UVRAG: variants seen among roughly 807,000 people sequenced by gnomAD.
The protein encoded by UVRAG is UV radiation resistance-associated gene protein.
UVRAG carries 19 observed loss-of-function variants against 78.0 expected under a neutral mutation model. The observed-to-expected ratio is 0.24, with a 90% CI of 0.17 to 0.36. The LOEUF is 0.36. UVRAG is among the 10% of genes least tolerant of loss of function. The pLI, the probability that UVRAG is intolerant of heterozygous loss-of-function variation, is 1.00. For synonymous variants in UVRAG, 323 were observed against 324.6 expected, an observed-to-expected ratio of 1.00 and a Z score of 0.05; for missense variants, 740 against 853.8, an observed-to-expected ratio of 0.87 and a Z score of 1.66.
At chr11:75,907,526 C>G (rs1414040252) in intron 5 of UVRAG, among the ~76,000 whole-genome samples, 2 of 151,140 alleles carry the variant, frequency 1.3e-5, no homozygotes, top group Non-Finnish European at 2.9e-5. Context: ...TCTATAATTT[C>G]TCTTTTTGAC....
At chr11:76,001,052 C>A (rs1949804416) in intron 8 of UVRAG, among the ~76,000 whole-genome samples, 1 of 152,162 alleles carries the variant, frequency 6.6e-6, no homozygotes, top group South Asian at 2.1e-4. Context: ...ATCTGCATTT[C>A]TTTCAAGTAT....
chr11:75,951,748 C>G (rs933455203), intron 6 of UVRAG, among the ~76,000 whole-genome samples: 3 of 152,128 alleles, frequency 2.0e-5, no homozygotes, highest in African/African-American at 7.2e-5. Flanking sequence ...CTTACTGTAG[C>G]TTTATGATAG....
At chr11:76,011,271 C>T (rs1950045380) in intron 11 of UVRAG, among the ~76,000 whole-genome samples, 1 of 152,108 alleles carries the variant, frequency 6.6e-6, no homozygotes, top group Non-Finnish European at 1.5e-5. Context: ...ATTCCCATTC[C>T]CCATTACCCT....
chr11:76,020,741 G>A (rs1481538415), intron 12 of UVRAG, among the ~76,000 whole-genome samples: 2 of 144,704 alleles, frequency 1.4e-5, no homozygotes, highest in East Asian at 2.1e-4. Context: ...ACCCCGGCTA[G>A]TGTCCCATGT....
chr11:75,950,798 T>C (rs112706897), intron 6 of UVRAG, among the ~76,000 whole-genome samples: 22 of 152,308 alleles, frequency 1.4e-4, no homozygotes, highest in African/African-American at 4.6e-4. Context: ...TTATAATGAC[T>C]AAAGTTATGA....
intron 1 of UVRAG, among the ~76,000 whole-genome samples, chr11:75,828,162 A>G (rs1017149789): frequency 1.3e-5 from 2 of 152,216 alleles, no homozygotes; most frequent in East Asian, 1.9e-4. Context: ...TTATATATGT[A>G]TAGTAGATAT....
chr11:75,953,548 T>G (rs998890754), intron 6 of UVRAG, among the ~76,000 whole-genome samples: 1 of 152,216 alleles, frequency 6.6e-6, no homozygotes, highest in East Asian at 1.9e-4. Context: ...AATTTGTCAT[T>G]CTTTGTCTTA....
At chr11:76,070,468 A>G (rs995748179) in intron 13 of UVRAG, among the ~76,000 whole-genome samples, 1 of 151,986 alleles carries the variant, frequency 6.6e-6, no homozygotes, top group Non-Finnish European at 1.5e-5. Flanking sequence ...TATCACACAC[A>G]CCCATGAATA....
In UVRAG at chr11:76,027,496, A is replaced by G. The variant is rs370197381; in HGVS notation, c.1226+10516A>G. Among the ~76,000 whole-genome samples the G allele has an allele frequency of 2.0e-4, 30 of 151,524 alleles. 3 individuals carry two copies. Among genetic ancestry groups the G allele is most frequent in the East Asian group, 1.2e-3 (6 of 5,144 alleles). ...GACAAAATTTTTGTTTTTTATTTCC[A>G]ATTATTTTGGACTTTGGGGTCATGT... is the stretch of plus-strand genomic sequence containing the variant. On this transcript the variant is annotated intron_variant, in intron 12 of 14. Coordinates refer to ENST00000356136, the MANE Select transcript of UVRAG (RefSeq NM_003369.4).
chr11:76,083,700 T>A (rs1358143880), intron 13 of UVRAG, among the ~76,000 whole-genome samples: 1 of 152,240 alleles, frequency 6.6e-6, no homozygotes, highest in Non-Finnish European at 1.5e-5. Context: ...CAAAAAATTT[T>A]TTTTTAGATT....
At chr11:75,923,108 C>T (rs1490218589) in intron 6 of UVRAG, among the ~76,000 whole-genome samples, 1 of 150,098 alleles carries the variant, frequency 6.7e-6, no homozygotes, top group Non-Finnish European at 1.5e-5. Flanking sequence ...GATCTTGACT[C>T]ACTGCAACCT....
rs144085249 is a variant in UVRAG, at chr11:75,860,656, C to T, written c.236-1090C>T. On this transcript the variant is annotated intron_variant, in intron 2 of 14. Transcript: ENST00000356136. ...GATAAAATGAAAAGAACAATACTTA[C>T]GGTTTCATAGTGTTGGAGAAACAGA... is the stretch of plus-strand genomic sequence containing the variant. Among the ~76,000 whole-genome samples the T allele has an allele frequency of 7.6e-3, 1,162 of 152,224 alleles. 18 individuals carry two copies. Among genetic ancestry groups the T allele is most frequent in the African/African-American group, 0.027 (1,107 of 41,512 alleles).
intron 6 of UVRAG, among the ~76,000 whole-genome samples, chr11:75,927,894 G>A (rs1265040610): frequency 6.6e-6 from 1 of 152,112 alleles, no homozygotes; most frequent in East Asian, 1.9e-4. Flanking sequence ...AGTTGTTGGA[G>A]GGCTTTGAGC....
Position 75,897,955 on chromosome 11 carries a change from C to T in UVRAG, c.507+9052C>T, listed in dbSNP as rs61892927. Among the ~76,000 whole-genome samples the T allele has an allele frequency of 2.0e-5, 3 of 147,916 alleles. No individual in the cohort carries two copies. In the South Asian group the frequency reaches 6.5e-4, roughly 32 times the overall value. On this transcript the variant is annotated intron_variant, in intron 5 of 14. Transcript: ENST00000356136. Reference sequence around the variant, plus strand: ...CGCGATCTCGGCTCACTGCAAGCTCCGCCTCCTGGGTTCAAGCAATTCTCT... The same window carrying T: ...CGCGATCTCGGCTCACTGCAAGCTCTGCCTCCTGGGTTCAAGCAATTCTCT...
intron 13 of UVRAG, among the ~76,000 whole-genome samples, chr11:76,070,180 A>C (rs1378430727): frequency 6.6e-6 from 1 of 152,206 alleles, no homozygotes; most frequent in East Asian, 1.9e-4. Flanking sequence ...ATATTATGCT[A>C]AGTGAAATAA....
At chr11:75,900,412 A>G (rs577139702) in intron 5 of UVRAG, among the ~76,000 whole-genome samples, 3 of 152,138 alleles carry the variant, frequency 2.0e-5, no homozygotes, top group Non-Finnish European at 2.9e-5. Flanking sequence ...GCTAGTTAAC[A>G]TGCTGTCACT....
intron 13 of UVRAG, 23 bp downstream of exon 13, chr11:76,065,811 T>C: frequency 6.2e-7 from 1 of 1,607,118 alleles, no homozygotes; most frequent in Non-Finnish European, 8.5e-7. Context: ...TCTTCACTTC[T>C]CTCCTACTTC....
At chr11:76,108,189 G>A (rs1565164227) in intron 13 of UVRAG, among the ~76,000 whole-genome samples, 1 of 152,086 alleles carries the variant, frequency 6.6e-6, no homozygotes, top group Non-Finnish European at 1.5e-5. Context: ...GGAAGGGTGG[G>A]GACATGTGTG....
intron 1 of UVRAG, among the ~76,000 whole-genome samples, chr11:75,822,679 T>TAA (rs59814532): frequency 1.5e-4 from 23 of 151,018 alleles, no homozygotes; most frequent in African/African-American, 5.4e-4. Context: ...TTTTTTTTTT[T>TAA]AAATAAACAA....
Sources: allele counts gnomAD v4.1 joint callset (sites outside exome capture counted in the v4.1 genomes callset), GRCh38; gene constraint gnomAD v4.1.1; transcripts MANE v1.5; gene names NCBI Gene and HGNC (gene_info 2026-07-23, HGNC 2026-07-21).